SLC35D2: variants seen among roughly 807,000 people sequenced by gnomAD.
SLC35D2 encodes the protein nucleotide sugar transporter SLC35D2.
A neutral mutation model predicts 41.8 loss-of-function variants in SLC35D2; 43 were observed. The ratio of observed to expected loss-of-function variants is 1.03; its 90% CI spans 0.81 to 1.33. The LOEUF (loss-of-function observed/expected upper bound fraction) is 1.33. Ranked by LOEUF, SLC35D2 falls within the 40% of genes most tolerant of loss-of-function variation. The pLI is 0.00. For synonymous variants in SLC35D2, 150 were observed against 163.9 expected, an observed-to-expected ratio of 0.92 and a Z score of 0.65; for missense variants, 380 against 408.4, an observed-to-expected ratio of 0.93 and a Z score of 0.60.
intron 2 of SLC35D2, among the ~76,000 whole-genome samples, chr9:96,364,823 T>C (rs1830413394): frequency 6.6e-6 from 1 of 151,928 alleles, no homozygotes; most frequent in South Asian, 2.1e-4. Context: ...GAGGCCAAGA[T>C]GGGTGGATTA....
chr9:96,356,666 C>T (rs1830040618), intron 4 of SLC35D2, among the ~76,000 whole-genome samples: 2 of 151,618 alleles, frequency 1.3e-5, no homozygotes, highest in South Asian at 2.1e-4. Context: ...CCCAGGAGTT[C>T]GAGACCAGCC....
At chr9:96,372,269 C>G (rs181078830) in intron 1 of SLC35D2, among the ~76,000 whole-genome samples, 3 of 152,250 alleles carry the variant, frequency 2.0e-5, no homozygotes, top group Middle Eastern at 3.4e-3. Context: ...ATGAACTGAA[C>G]AATCCAAAAT....
intron 8 of SLC35D2, among the ~76,000 whole-genome samples, chr9:96,337,899 T>C (rs1357957504): frequency 4.0e-5 from 6 of 150,012 alleles, no homozygotes; most frequent in African/African-American, 9.9e-5. Context: ...GGAGAATCAC[T>C]TGAACCCGGG....
Position 96,362,363 on chromosome 9 carries a change from C to T in SLC35D2, c.279+2101G>A, listed in dbSNP as rs567815935. The stretch of plus-strand genomic sequence containing the variant: ...TCTCTTCTAAAAATAAAAAATTGGC[C>T]GGGCATGGCGGCGCATGCCTGTAAT... On this transcript the variant is annotated intron_variant, in intron 3 of 11. Coordinates refer to ENST00000253270, the MANE Select transcript of SLC35D2 (RefSeq NM_007001.3). 2.6e-3 allele frequency among the ~76,000 whole-genome samples: 389 copies of T among 152,098 alleles called. 1 individual carries two copies. The highest frequency in any genetic ancestry group is 7.4e-3 in the African/African-American group (305 of 41,482).
intron 8 of SLC35D2, among the ~76,000 whole-genome samples, chr9:96,341,429 G>T (rs1829320977): frequency 6.6e-6 from 1 of 152,174 alleles, no homozygotes; most frequent in South Asian, 2.1e-4. Flanking sequence ...TGACAGTGGA[G>T]GATGTGTTTC....
Position 96,367,219 on chromosome 9 carries a change from CAA to C in SLC35D2, c.192+1051_192+1052del, listed in dbSNP as rs1171888357. The stretch of plus-strand genomic sequence containing the variant: ...TGGGCGACAGGCTGAGACTCAGTCA[CAA>C]AAAAAAAAAAAAAAAAAAGAATAAT... On this transcript the variant is annotated intron_variant, in intron 2 of 11. Transcript: ENST00000253270. Among the ~76,000 whole-genome samples, 426 of 70,982 alleles carry C rather than the reference CAA, an allele frequency of 6.0e-3. 1 individual carries two copies. The highest frequency in any genetic ancestry group is 0.017 in the African/African-American group (401 of 23,180). The allele number at this position is 70,982 out of a possible 152,430, so 46.6% of individuals were successfully genotyped here.
intron 8 of SLC35D2, among the ~76,000 whole-genome samples, chr9:96,337,085 C>T (rs143286182): frequency 1.6e-4 from 25 of 152,306 alleles, no homozygotes; most frequent in African/African-American, 5.1e-4. Context: ...AAATCGCAAA[C>T]GCTATTATCG....
rs147850671 is a variant in SLC35D2, at chr9:96,321,334, C to T, written c.922G>A (p.Gly308Arg). Residue 308 changes from glycine (G) to arginine (R), a missense_variant, in exon 12 of 12, where the codon GGG becomes AGG. Physicochemically the swap from Gly to Arg is moderately radical, Grantham distance 125. Coordinates refer to ENST00000253270, the MANE Select transcript of SLC35D2 (RefSeq NM_007001.3). Reference sequence around the variant, plus strand: ...GTTAAAAAGGAATATCTCAAGCCCCCTGCCATGCTGAAAGGAGAAAAAAAA... The same window carrying T: ...GTTAAAAAGGAATATCTCAAGCCCCTTGCCATGCTGAAAGGAGAAAAAAAA... ...NFVGLNICMA[G>R]GLRYSFLTLS... 6.2e-6 allele frequency: 10 copies of T among 1,612,976 alleles called. No homozygotes were observed. The South Asian group carries it at 9.9e-5, about 16-fold the overall frequency.
Position 96,360,164 on chromosome 9 carries a change from T to C in SLC35D2, c.337A>G (p.Ser113Gly), listed in dbSNP as rs1451650522. The C allele has an allele frequency of 3.7e-6, 6 of 1,612,082 alleles. No individual in the cohort carries two copies. The highest frequency in any genetic ancestry group is 5.1e-6 in the Non-Finnish European group (6 of 1,178,582). The change falls in exon 4 of 12, where the codon AGT becomes GGT. Residue 113 changes from serine (S) to glycine (G), a missense_variant. Coordinates refer to ENST00000253270, the MANE Select transcript of SLC35D2 (RefSeq NM_007001.3). ...GNHISGLSST[S>G]KLSLPMFTVL... Reference sequence around the variant, plus strand: ...TATCCTATACTCTACCTTAATTTACTTGTGCTTGATAATCCACTTATGTGG... The same window carrying C: ...TATCCTATACTCTACCTTAATTTACCTGTGCTTGATAATCCACTTATGTGG...
intron 1 of SLC35D2, among the ~76,000 whole-genome samples, chr9:96,371,928 G>A (rs1037678543): frequency 6.6e-5 from 10 of 151,422 alleles, no homozygotes; most frequent in East Asian, 5.8e-4. Flanking sequence ...GGGTTTCACC[G>A]TTTTAGCCGG....
intron 1 of SLC35D2, chr9:96,374,125 T>A (rs1357007863): frequency 6.6e-6 from 1 of 152,150 alleles, no homozygotes; most frequent in Non-Finnish European, 1.5e-5. Context: ...ATCTAAGTAA[T>A]CCTCATAAAA....
Position 96,368,307 on chromosome 9 carries a change from T to A in SLC35D2, c.159-2A>T, listed in dbSNP as rs1389035349. On this transcript the variant is annotated splice_acceptor_variant, in intron 1 of 11. Coordinates refer to ENST00000253270, the MANE Select transcript of SLC35D2 (RefSeq NM_007001.3). LOFTEE classifies it high-confidence loss of function. ...CCAAGGAAAATTGGTGACGGGAAAC[T>A]ACAAAGGACACAGAACAACAAATCA... 2 of 1,606,098 alleles carry A rather than the reference T, an allele frequency of 1.2e-6. No homozygotes were observed. Among genetic ancestry groups the A allele is most frequent in the Admixed American group, 3.4e-5 (2 of 59,392 alleles).
intron 1 of SLC35D2, among the ~76,000 whole-genome samples, chr9:96,379,298 C>A (rs1437601215): frequency 6.7e-6 from 1 of 149,038 alleles, no homozygotes; most frequent in East Asian, 2.0e-4. Flanking sequence ...CAGAGTGAGA[C>A]CCTGTCTCAA....
intron 5 of SLC35D2, among the ~76,000 whole-genome samples, chr9:96,351,622 A>G (rs1406070218): frequency 1.3e-5 from 2 of 152,146 alleles, no homozygotes; most frequent in Non-Finnish European, 2.9e-5. Flanking sequence ...TTTTATACCA[A>G]CAATATAAAA....
intron 4 of SLC35D2, among the ~76,000 whole-genome samples, chr9:96,356,829 T>C (rs1014976333): frequency 1.3e-5 from 2 of 152,090 alleles, no homozygotes; most frequent in African/African-American, 4.8e-5. Context: ...GAGTGGTGAC[T>C]GTGCTACCAC....
intron 8 of SLC35D2, among the ~76,000 whole-genome samples, chr9:96,343,052 G>A (rs938005333): frequency 6.6e-6 from 1 of 152,234 alleles, no homozygotes; most frequent in African/African-American, 2.4e-5. Context: ...GGAGGGTTTT[G>A]CCCATCGCAT....
At chr9:96,372,484 T>G (rs1401142439) in intron 1 of SLC35D2, among the ~76,000 whole-genome samples, 1 of 151,990 alleles carries the variant, frequency 6.6e-6, no homozygotes, top group African/African-American at 2.4e-5. Flanking sequence ...AAAAGAAACT[T>G]TTTATCTAAG....
intron 9 of SLC35D2, 52 bp downstream of exon 9, chr9:96,336,665 C>A: frequency 9.2e-7 from 1 of 1,082,958 alleles, no homozygotes; most frequent in Admixed American, 2.1e-5. Flanking sequence ...CTTGATTTGA[C>A]TTGTCAAGAG....
At chr9:96,377,194 C>A (rs1211863287) in intron 1 of SLC35D2, among the ~76,000 whole-genome samples, 1 of 151,494 alleles carries the variant, frequency 6.6e-6, no homozygotes, top group Non-Finnish European at 1.5e-5. Context: ...TGCAGTTACT[C>A]GTGTTACCGC....
Sources: gnomAD v4.1 joint callset for allele counts (sites outside exome capture counted in the v4.1 genomes callset) on GRCh38, gnomAD v4.1.1 for gene constraint, MANE v1.5 for transcripts, NCBI Gene and HGNC (gene_info 2026-07-23, HGNC 2026-07-21) for gene names.